Variants in KIF13B observed in about 807,000 individuals in gnomAD.
The protein encoded by KIF13B is kinesin family member 13B.
Under a neutral mutation model 222.0 loss-of-function variants are expected in KIF13B, and 127 were observed. The observed-to-expected ratio is 0.57, with a 90% CI of 0.50 to 0.66. The LOEUF (loss-of-function observed/expected upper bound fraction) is 0.66, where lower values mean the gene tolerates loss of function less well. Among genes scored for constraint, KIF13B ranks in the 30% least tolerant of loss-of-function variants. The probability of loss-of-function intolerance (pLI) is 0.00; values close to 1 mark genes in which losing one functional copy is unlikely to be tolerated. For synonymous variants in KIF13B, 976 were observed against 919.0 expected (o/e 1.06, Z -1.12); for missense variants, 2,173 against 2,379.0 (o/e 0.91, Z 1.80).
At chr8:29,176,036 G>T in intron 10 of KIF13B, 32 bp downstream of exon 10, 1 of 1,308,158 alleles carries the variant, frequency 7.6e-7, no homozygotes, top group Non-Finnish European at 1.1e-6. Context: ...ACCACCAAAA[G>T]TATGCCAGGA....
intron 2 of KIF13B, among the ~76,000 whole-genome samples, chr8:29,200,239 A>T (rs145310041): frequency 1.7e-3 from 252 of 152,324 alleles, no homozygotes; most frequent in East Asian, 0.012. Flanking sequence ...AAAAATAAAT[A>T]AATTAATTAA....
chr8:29,132,637 G>C (rs957016360), intron 22 of KIF13B, among the ~76,000 whole-genome samples, 172 bp from the exon 23 acceptor site: 16 of 152,066 alleles, frequency 1.1e-4, no homozygotes, highest in African/African-American at 3.4e-4. Flanking sequence ...GATGGCAAAA[G>C]GTTCTTGACT....
chr8:29,226,306 T>C (rs150377668), intron 2 of KIF13B, among the ~76,000 whole-genome samples: 7 of 152,342 alleles, frequency 4.6e-5, no homozygotes, highest in Admixed American at 1.3e-4. Flanking sequence ...ACATTATAGA[T>C]GGAATTTTAG....
At chr8:29,243,399 G>T (rs190374695) in intron 2 of KIF13B, among the ~76,000 whole-genome samples, 1 of 150,996 alleles carries the variant, frequency 6.6e-6, no homozygotes, top group African/African-American at 2.4e-5. Flanking sequence ...GCTCACACCC[G>T]TAATCCCAGC....
chr8:29,128,128 T>C lies in KIF13B; in HGVS notation c.3076-860A>G, dbSNP rs913479585. ...TATAATTTACTGATATAGCAGTATA[T>C]ATCATTAATATAAATATAAATATAT... On this transcript the variant is annotated intron_variant, in intron 24 of 39. Transcript: ENST00000524189. 4.0e-5 allele frequency among the ~76,000 whole-genome samples: 6 copies of C among 149,206 alleles called. No individual in the cohort carries two copies. The East Asian group carries it at 9.7e-4, about 24-fold the overall frequency.
chr8:29,098,015 C>CA (rs1451968563), intron 36 of KIF13B, among the ~76,000 whole-genome samples: 4 of 151,056 alleles, frequency 2.6e-5, no homozygotes, highest in Admixed American at 6.6e-5. Context: ...ACTAAAAATA[C>CA]AAAAAATTAG....
At chr8:29,185,423 G>C (rs1221306581) in intron 6 of KIF13B, among the ~76,000 whole-genome samples, 1 of 152,216 alleles carries the variant, frequency 6.6e-6, no homozygotes. Context: ...TCCACACTGT[G>C]AGTTCTTGCA....
intron 22 of KIF13B, among the ~76,000 whole-genome samples, chr8:29,132,878 T>A (rs764787832): frequency 4.6e-5 from 7 of 152,142 alleles, no homozygotes; most frequent in Non-Finnish European, 7.4e-5. Context: ...AAGTTAACTA[T>A]CTCTATTAGG....
At chr8:29,147,319 G>C in intron 17 of KIF13B, 73 bp downstream of exon 17, 1 of 1,077,094 alleles carries the variant, frequency 9.3e-7, no homozygotes, top group Non-Finnish European at 1.4e-6. Flanking sequence ...GTTCCCATTT[G>C]ACACTTTCCC....
chr8:29,110,192 C>T (rs113432508), intron 32 of KIF13B, 122 bp from the exon 33 acceptor site: 12 of 803,574 alleles, frequency 1.5e-5, no homozygotes, highest in East Asian at 2.7e-5. Context: ...AGCTTTGGAA[C>T]GCCAAAGCAT....
chr8:29,210,253 C>T (rs1814158158), intron 2 of KIF13B, among the ~76,000 whole-genome samples: 2 of 152,056 alleles, frequency 1.3e-5, no homozygotes, highest in East Asian at 1.9e-4. Context: ...TTCAGTATAC[C>T]TTTGTGTAAA....
At chr8:29,098,030 G>A (rs149782385) in intron 36 of KIF13B, among the ~76,000 whole-genome samples, 40 of 151,758 alleles carry the variant, frequency 2.6e-4, no homozygotes, top group African/African-American at 9.2e-4. Flanking sequence ...AATTAGCTTG[G>A]CATGGTGGCA....
chr8:29,140,411 C>A, intron 20 of KIF13B, 57 bp downstream of exon 20: 1 of 1,549,338 alleles, frequency 6.5e-7, no homozygotes, highest in Non-Finnish European at 8.8e-7. Context: ...CCCATCACCA[C>A]CCTCTTGTTT....
At chr8:29,208,307 G>A (rs576778070) in intron 2 of KIF13B, among the ~76,000 whole-genome samples, 3 of 152,200 alleles carry the variant, frequency 2.0e-5, no homozygotes, top group Admixed American at 6.5e-5. Flanking sequence ...TTAATTTATT[G>A]GCAATTACTT....
chr8:29,152,978 C>A (rs1012781943), intron 14 of KIF13B, among the ~76,000 whole-genome samples: 21 of 152,166 alleles, frequency 1.4e-4, no homozygotes, highest in Admixed American at 6.5e-5. Context: ...ACTGGGGAAT[C>A]AAAAATTTGT....
At chr8:29,211,444 G>GGCCAGGAAGGGGGAA (rs377737259) in intron 2 of KIF13B, among the ~76,000 whole-genome samples, 122,275 of 152,090 alleles carry the variant, frequency 0.8, 49,757 homozygotes, top group Non-Finnish European at 0.85. Flanking sequence ...TACTTTCCTG[G>GGCCAGGAAGGGGGAA]CCCAGGCCAG....
chr8:29,079,810 A>G lies in KIF13B; in HGVS notation c.4459-4467T>C, dbSNP rs190247155. 1.2e-4 allele frequency among the ~76,000 whole-genome samples: 19 copies of G among 152,330 alleles called. No homozygotes were observed. In the East Asian group the frequency reaches 2.7e-3, roughly 22 times the overall value. On this transcript the variant is annotated intron_variant, in intron 37 of 39. Coordinates refer to ENST00000524189, the MANE Select transcript of KIF13B (RefSeq NM_015254.4). ...GGTGCTTAAACTAATACAATCCTCTAAGTCTTGTTTTAAACACTAACCAAT... is the reference window on the plus strand; with the variant it reads ...GGTGCTTAAACTAATACAATCCTCTGAGTCTTGTTTTAAACACTAACCAAT...
intron 2 of KIF13B, among the ~76,000 whole-genome samples, chr8:29,204,094 T>G (rs181202823): frequency 1.3e-5 from 2 of 152,138 alleles, no homozygotes; most frequent in African/African-American, 2.4e-5. Flanking sequence ...TGGAGAAAAC[T>G]TATTTAAATG....
intron 36 of KIF13B, 101 bp downstream of exon 36, chr8:29,099,032 A>G: frequency 1.1e-6 from 1 of 902,104 alleles, no homozygotes; most frequent in East Asian, 2.4e-5. Context: ...GATGGACATT[A>G]TCTAGCAGAA....
Sources: gnomAD v4.1 joint callset for allele counts (sites outside exome capture counted in the v4.1 genomes callset) on GRCh38, gnomAD v4.1.1 for gene constraint, MANE v1.5 for transcripts, NCBI Gene and HGNC (gene_info 2026-07-23, HGNC 2026-07-21) for gene names.